The following CPE variants were observed in gnomAD, a reference collection of about 807,000 sequenced individuals.
The protein encoded by CPE is carboxypeptidase E.
In CPE, 17 loss-of-function variants were observed where a neutral mutation model predicts 53.5. That is an observed-to-expected ratio of 0.32 (90% CI 0.22 to 0.48). The LOEUF is 0.48. CPE is among the 20% of genes least tolerant of loss of function. The pLI, the probability that CPE is intolerant of heterozygous loss-of-function variation, is 0.99. For missense variants in CPE, 524 were observed against 614.7 expected (o/e 0.85, Z 1.56); for synonymous variants, 226 against 228.8 (o/e 0.99, Z 0.11).
At chr4:165,489,274 TTAA>T (rs1194398703) in intron 6 of CPE, among the ~76,000 whole-genome samples, 3 of 152,174 alleles carry the variant, frequency 2.0e-5, no homozygotes, top group South Asian at 4.1e-4. Flanking sequence ...TAATAAATAT[TTAA>T]TAATCTTTAA....
chr4:165,498,472 C>G lies in CPE; in HGVS notation c.*862C>G, dbSNP rs987673476. ...TACTGTGTGCTAAGCACTGCATAGC[C>G]TCTATGTATGTTATTGTGGCAGGCA... is the stretch of plus-strand genomic sequence containing the variant. On this transcript the variant is annotated 3_prime_UTR_variant, in exon 9 of 9. Coordinates refer to ENST00000402744, the MANE Select transcript of CPE (RefSeq NM_001873.4). Among the ~76,000 whole-genome samples, 3 of 152,122 alleles carry G rather than the reference C, an allele frequency of 2.0e-5. No individual in the cohort carries two copies. Among genetic ancestry groups the G allele is most frequent in the African/African-American group, 7.2e-5 (3 of 41,420 alleles).
rs28540812 is a variant in CPE at position 165,394,024 on chromosome 4, T to C, written c.307+14496T>C. 6.3e-3 allele frequency among the ~76,000 whole-genome samples: 963 copies of C among 152,040 alleles called. 6 individuals carry two copies. The highest frequency in any genetic ancestry group is 0.021 in the African/African-American group (887 of 41,458). ...AGGAAGGCTGAGGACCTAAAGTGGATAAAAAGGAGAGGGTATGTAGAGAGT... is the reference window on the plus strand; with the variant it reads ...AGGAAGGCTGAGGACCTAAAGTGGACAAAAAGGAGAGGGTATGTAGAGAGT... On this transcript the variant is annotated intron_variant, in intron 1 of 8. Coordinates refer to ENST00000402744, the MANE Select transcript of CPE (RefSeq NM_001873.4).
chr4:165,381,241 G>A (rs1459317710), intron 1 of CPE: 1 of 456,148 alleles, frequency 2.2e-6, no homozygotes, highest in Non-Finnish European at 4.4e-6. Flanking sequence ...TAAGTATCTG[G>A]AATATATAGT....
At chr4:165,467,928 A>T in intron 3 of CPE, 73 bp downstream of exon 3, 3 of 1,508,640 alleles carry the variant, frequency 2.0e-6, no homozygotes. Context: ...CTTCATCATC[A>T]TGAAGGACAG....
intron 1 of CPE, among the ~76,000 whole-genome samples, chr4:165,424,437 ATTT>A (rs1731282550): frequency 6.6e-6 from 1 of 151,342 alleles, no homozygotes; most frequent in South Asian, 2.1e-4. Flanking sequence ...ATCATGTTTG[ATTT>A]TATTATTTTT....
chr4:165,424,426 TATC>T (rs774231924), intron 1 of CPE, among the ~76,000 whole-genome samples: 13 of 152,218 alleles, frequency 8.5e-5, no homozygotes, highest in Admixed American at 3.3e-4. Flanking sequence ...TTACCATAAT[TATC>T]ATGTTTGATT....
intron 5 of CPE, among the ~76,000 whole-genome samples, chr4:165,485,901 A>T (rs966794676): frequency 2.0e-5 from 3 of 152,084 alleles, no homozygotes; most frequent in Non-Finnish European, 4.4e-5. Flanking sequence ...TTATTAAGGG[A>T]TTACTTTTTA....
chr4:165,384,313 C>T (rs1387826694), intron 1 of CPE, among the ~76,000 whole-genome samples: 1 of 152,140 alleles, frequency 6.6e-6, no homozygotes, highest in South Asian at 2.1e-4. Context: ...AAGTTAGATT[C>T]GTACTGTATA....
At chr4:165,481,017 T>TATATATA (rs1553978734) in intron 3 of CPE, among the ~76,000 whole-genome samples, 1 of 42,192 alleles carries the variant, frequency 2.4e-5, no homozygotes, top group Admixed American at 3.4e-4. Context: ...TATATATATA[T>TATATATA]TTTTTTTTTT....
chr4:165,404,645 A>T, intron 1 of CPE: 2 of 1,119,304 alleles, frequency 1.8e-6, no homozygotes, highest in Non-Finnish European at 2.7e-6. Flanking sequence ...CAGGGAATCC[A>T]GCTTCTTTGG....
chr4:165,386,405 T>G (rs1250149338), intron 1 of CPE: 1 of 400,500 alleles, frequency 2.5e-6, no homozygotes, highest in Non-Finnish European at 4.8e-6. Context: ...TATGTTTGAA[T>G]AAATGAAATT....
chr4:165,497,686 TG>T lies in CPE; in HGVS notation c.*77del. On this transcript the variant is annotated 3_prime_UTR_variant, in exon 9 of 9. Coordinates refer to ENST00000402744, the MANE Select transcript of CPE (RefSeq NM_001873.4). ...GTAATGTGGTCTTTTTTTTAGATTT[TG>T]TGCAGTTAATACTTAACATTGATTT... 1 of 713,346 alleles carries T rather than the reference TG, an allele frequency of 1.4e-6. No homozygotes were observed. Among genetic ancestry groups the T allele is most frequent in the Non-Finnish European group, 2.1e-6 (1 of 482,410 alleles). 44.2% of individuals were successfully genotyped at this position (713,346 alleles called of 1,614,324 possible). A position where few individuals can be genotyped will look rare whatever the true frequency, so the allele number is the denominator to read the frequency against.
At chr4:165,491,698 T>A (rs903198986) in intron 6 of CPE, among the ~76,000 whole-genome samples, 2 of 152,176 alleles carry the variant, frequency 1.3e-5, no homozygotes, top group African/African-American at 2.4e-5. Flanking sequence ...ATTAAAAAAT[T>A]ACATGTTATT....
intron 1 of CPE, among the ~76,000 whole-genome samples, chr4:165,390,489 G>A (rs1013335800): frequency 6.6e-5 from 10 of 152,184 alleles, no homozygotes; most frequent in African/African-American, 2.4e-4. Flanking sequence ...TGTTGAACAT[G>A]TGCAAAATAC....
At chr4:165,430,599 A>G (rs1731394357) in intron 1 of CPE, among the ~76,000 whole-genome samples, 1 of 152,190 alleles carries the variant, frequency 6.6e-6, no homozygotes, top group South Asian at 2.1e-4. Flanking sequence ...GTGGTAACAT[A>G]TAGTTTGCAC....
intron 3 of CPE, among the ~76,000 whole-genome samples, chr4:165,480,852 T>C (rs1171632437): frequency 6.6e-6 from 1 of 151,942 alleles, no homozygotes; most frequent in Non-Finnish European, 1.5e-5. Context: ...AATGATCACA[T>C]TTAAAAATTA....
intron 1 of CPE, among the ~76,000 whole-genome samples, chr4:165,451,923 C>T (rs567966935): frequency 6.6e-6 from 1 of 151,798 alleles, no homozygotes; most frequent in South Asian, 2.1e-4. Flanking sequence ...ACCGCCCCCC[C>T]AACCCCCGTT....
intron 3 of CPE, among the ~76,000 whole-genome samples, chr4:165,472,984 G>A (rs1352300173): frequency 1.3e-5 from 2 of 152,164 alleles, no homozygotes; most frequent in Admixed American, 6.5e-5. Context: ...TGCAGAAAAG[G>A]TTTGACTCTT....
At chr4:165,408,560 T>C (rs1730988577) in intron 1 of CPE, among the ~76,000 whole-genome samples, 1 of 152,244 alleles carries the variant, frequency 6.6e-6, no homozygotes, top group Non-Finnish European at 1.5e-5. Flanking sequence ...CCTTAGATTA[T>C]CTGCTTCCAA....
Sources: allele counts gnomAD v4.1 joint callset (sites outside exome capture counted in the v4.1 genomes callset), GRCh38; gene constraint gnomAD v4.1.1; transcripts MANE v1.5; gene names NCBI Gene and HGNC (gene_info 2026-07-23, HGNC 2026-07-21).